Variants in PHF21B observed in about 807,000 individuals in gnomAD.
The protein encoded by PHF21B is PHD finger protein 21B.
A neutral mutation model predicts 62.2 loss-of-function variants in PHF21B; 22 were observed. The observed-to-expected ratio is 0.35, with a 90% CI of 0.25 to 0.51. The LOEUF (loss-of-function observed/expected upper bound fraction) is 0.51. Ranked by LOEUF, PHF21B falls within the 20% of genes least tolerant of loss-of-function variation. PHF21B has a pLI of 0.97. For missense variants in PHF21B, 701 were observed against 707.9 expected, an observed-to-expected ratio of 0.99 and a Z score of 0.11; for synonymous variants, 341 against 314.7, an observed-to-expected ratio of 1.08 and a Z score of -0.88.
chr22:44,963,193 T>C (rs909170751), intron 2 of PHF21B, among the ~76,000 whole-genome samples: 3 of 152,190 alleles, frequency 2.0e-5, no homozygotes, highest in South Asian at 2.1e-4. Context: ...GGAAACCTCA[T>C]GGTAGGCCTG....
chr22:44,983,233 CAAAAAAAAAA>C (rs59497234), intron 2 of PHF21B, among the ~76,000 whole-genome samples: 27,681 of 149,256 alleles, frequency 0.19, 2,981 homozygotes, highest in Middle Eastern at 0.35. Context: ...GACTCTGTCT[CAAAAAAAAAA>C]AAAAAAAAAG....
At chr22:44,997,335 C>G (rs2073139947) in intron 2 of PHF21B, among the ~76,000 whole-genome samples, 1 of 152,168 alleles carries the variant, frequency 6.6e-6, no homozygotes, top group African/African-American at 2.4e-5. Context: ...CTCGAGGGCT[C>G]TGGCCTCAGT....
intron 6 of PHF21B, among the ~76,000 whole-genome samples, chr22:44,894,960 A>T (rs1569211818): frequency 6.6e-6 from 1 of 152,192 alleles, no homozygotes; most frequent in Non-Finnish European, 1.5e-5. Context: ...ACCTGCTGCA[A>T]TGGATAGAAA....
rs976201786 is a variant in PHF21B, at chr22:44,957,031, C to T, written c.121-36541G>A. On this transcript the variant is annotated intron_variant, in intron 2 of 12. Transcript: ENST00000313237. The stretch of plus-strand genomic sequence containing the variant: ...CCAGCCCTCCTGCTGGTGGTGGGAG[C>T]TGTACCCAGAGGTCACTGCCCACAC... Among the ~76,000 whole-genome samples, 42 of 152,330 alleles carry T rather than the reference C, an allele frequency of 2.8e-4. 1 individual carries two copies. Among genetic ancestry groups the T allele is most frequent in the Admixed American group, 2.7e-3 (42 of 15,306 alleles).
chr22:44,903,157 C>G (rs1007896550), intron 5 of PHF21B, among the ~76,000 whole-genome samples: 1 of 152,214 alleles, frequency 6.6e-6, no homozygotes, highest in South Asian at 2.1e-4. Context: ...ACTCCCTCCT[C>G]CAGCACATTC....
At chr22:44,889,478 C>T (rs2070921657) in intron 9 of PHF21B, among the ~76,000 whole-genome samples, 1 of 152,220 alleles carries the variant, frequency 6.6e-6, no homozygotes, top group Non-Finnish European at 1.5e-5. Flanking sequence ...TCCAGTTGGG[C>T]CTCAGTGGCC....
At chr22:44,904,026 A>G (rs1196998065) in intron 5 of PHF21B, among the ~76,000 whole-genome samples, 1 of 151,814 alleles carries the variant, frequency 6.6e-6, no homozygotes, top group Non-Finnish European at 1.5e-5. Context: ...TGGGAAAAAA[A>G]AGCTCCACAT....
rs368992174 is a variant in PHF21B, at chr22:44,899,035, G to A, written c.832-2952C>T. On this transcript the variant is annotated intron_variant, in intron 5 of 12. Coordinates refer to ENST00000313237, the MANE Select transcript of PHF21B (RefSeq NM_138415.5). ...CTCCTGCCACACGTTCAGTTCTCAA[G>A]GCTTTAGGGTCTATTTTAATATCCG... Among the ~76,000 whole-genome samples the A allele has an allele frequency of 1.1e-4, 17 of 152,264 alleles. No homozygotes were observed. In the South Asian group the frequency reaches 3.3e-3, roughly 30 times the overall value.
intron 5 of PHF21B, among the ~76,000 whole-genome samples, chr22:44,904,286 TG>T (rs1193405668): frequency 6.7e-6 from 1 of 149,690 alleles, no homozygotes; most frequent in Non-Finnish European, 1.5e-5. Flanking sequence ...AAAACAAAAC[TG>T]GATTTTTTTT....
intron 2 of PHF21B, among the ~76,000 whole-genome samples, chr22:44,964,903 T>C (rs1339790268): frequency 6.6e-6 from 1 of 152,166 alleles, no homozygotes; most frequent in African/African-American, 2.4e-5. Context: ...CCCTCTGCAG[T>C]GTGAGGCCGG....
intron 2 of PHF21B, among the ~76,000 whole-genome samples, chr22:44,984,234 C>T (rs928052014): frequency 1.9e-4 from 28 of 148,434 alleles, no homozygotes; most frequent in African/African-American, 6.7e-4. Flanking sequence ...TCACCATCAC[C>T]ACCCTCATTA....
chr22:44,912,878 CA>C lies in PHF21B; in HGVS notation c.831+943del, dbSNP rs3087031. Among the ~76,000 whole-genome samples the C allele has an allele frequency of 1.4e-3, 65 of 45,600 alleles. 3 individuals carry two copies. Among genetic ancestry groups the C allele is most frequent in the Middle Eastern group, 0.015 (1 of 66 alleles). The allele number at this position is 45,600 out of a possible 152,430, so 29.9% of individuals were successfully genotyped here. ...TGGCTCAAAGAGTCAGACTCTATCT[CA>C]AAAAAAAAAAAAAAAAAAGACAAAA... On this transcript the variant is annotated intron_variant, in intron 5 of 12. Transcript: ENST00000313237.
Position 44,948,432 on chromosome 22 carries a change from G to A in PHF21B, c.121-27942C>T, listed in dbSNP as rs139499786. Among the ~76,000 whole-genome samples the A allele has an allele frequency of 3.7e-3, 563 of 152,094 alleles. 6 individuals are homozygous for A. Among genetic ancestry groups the A allele is most frequent in the African/African-American group, 0.013 (530 of 41,474 alleles). On this transcript the variant is annotated intron_variant, in intron 2 of 12. Transcript: ENST00000313237. ...CGCAGTGGCTCATGCCTGTAATCCCGGCACTCTGGGAGGCCGAGGCGGGCA... is the reference window on the plus strand; with the variant it reads ...CGCAGTGGCTCATGCCTGTAATCCCAGCACTCTGGGAGGCCGAGGCGGGCA...
At chr22:44,908,120 C>T (rs1333021532) in intron 5 of PHF21B, among the ~76,000 whole-genome samples, 3 of 152,284 alleles carry the variant, frequency 2.0e-5, no homozygotes, top group Admixed American at 2.0e-4. Context: ...GGGTCCTGAG[C>T]AGTAGGTTCT....
chr22:44,960,201 C>T (rs1337777783), intron 2 of PHF21B, among the ~76,000 whole-genome samples: 1 of 152,190 alleles, frequency 6.6e-6, no homozygotes, highest in Non-Finnish European at 1.5e-5. Context: ...GCCACGGGAC[C>T]CAAGGCTGGA....
chr22:44,928,366 G>A (rs1018180766), intron 2 of PHF21B, among the ~76,000 whole-genome samples: 4 of 152,148 alleles, frequency 2.6e-5, no homozygotes, highest in African/African-American at 4.8e-5. Flanking sequence ...GGTCTCTTCT[G>A]CCTCTTTCCA....
chr22:44,960,150 C>A (rs1398232673), intron 2 of PHF21B, among the ~76,000 whole-genome samples: 1 of 152,196 alleles, frequency 6.6e-6, no homozygotes, highest in African/African-American at 2.4e-5. Flanking sequence ...CCTGAAAAGA[C>A]AACCATCCCA....
At chr22:44,966,448 G>GCCAA (rs2072527575) in intron 2 of PHF21B, among the ~76,000 whole-genome samples, 1 of 152,192 alleles carries the variant, frequency 6.6e-6, no homozygotes. Flanking sequence ...CGTCTACTGG[G>GCCAA]AGCTTTGGGG....
At chr22:44,956,021 C>T (rs1463884538) in intron 2 of PHF21B, among the ~76,000 whole-genome samples, 2 of 152,172 alleles carry the variant, frequency 1.3e-5, no homozygotes, top group Non-Finnish European at 2.9e-5. Context: ...CTGGGCACAG[C>T]GATGAACAAC....
Sources: gnomAD v4.1 joint callset for allele counts (sites outside exome capture counted in the v4.1 genomes callset) on GRCh38, gnomAD v4.1.1 for gene constraint, MANE v1.5 for transcripts, NCBI Gene and HGNC (gene_info 2026-07-23, HGNC 2026-07-21) for gene names.